Variants in RAD17 observed in about 807,000 individuals in gnomAD.
The protein encoded by RAD17 is cell cycle checkpoint protein RAD17.
A neutral mutation model predicts 81.5 loss-of-function variants in RAD17; 31 were observed. That is an observed-to-expected ratio of 0.38 (90% CI 0.29 to 0.51). The LOEUF is 0.51. RAD17 is among the 20% of genes least tolerant of loss of function. The pLI is 0.88. For missense variants in RAD17, 681 were observed against 781.2 expected, an observed-to-expected ratio of 0.87 and a Z score of 1.53; for synonymous variants, 261 against 266.2, an observed-to-expected ratio of 0.98 and a Z score of 0.19.
In RAD17 at chr5:69,389,091, T is replaced by A. The variant is rs1268318942; in HGVS notation, c.952T>A (p.Cys318Ser). 1.3e-6 allele frequency: 2 copies of A among 1,580,732 alleles called. No individual in the cohort carries two copies. Among genetic ancestry groups the A allele is most frequent in the Admixed American group, 1.8e-5 (1 of 56,528 alleles). The change falls in exon 12 of 19, where the codon TGT becomes AGT. Residue 318 changes from cysteine to serine, a missense_variant. Physicochemically the swap from Cys to Ser is moderately radical, Grantham distance 112. Transcript: ENST00000354868. ...TTCTCTAGAGTTGCTCTGTCAGGGA[T>A]GTTCTGGTGATATCAGAAGTGCAAT... ...KTSLELLCQG[C>S]SGDIRSAINS...
chr5:69,384,713 A>C, intron 7 of RAD17, 84 bp from the exon 8 acceptor site: 1 of 1,243,824 alleles, frequency 8.0e-7, no homozygotes, highest in Non-Finnish European at 1.1e-6. Context: ...AGATGCATCA[A>C]GTATGTGTGT....
At chr5:69,398,296 AT>A (rs1236711726) in intron 16 of RAD17, among the ~76,000 whole-genome samples, 4 of 152,204 alleles carry the variant, frequency 2.6e-5, no homozygotes, top group Non-Finnish European at 5.9e-5. Flanking sequence ...TTATTTGTCA[AT>A]TTAAATTAAT....
chr5:69,395,014 T>C (rs1407691020), intron 15 of RAD17, among the ~76,000 whole-genome samples: 1 of 152,078 alleles, frequency 6.6e-6, no homozygotes, highest in African/African-American at 2.4e-5. Flanking sequence ...ATCACACCAC[T>C]GCACTCCAGC....
intron 7 of RAD17, among the ~76,000 whole-genome samples, chr5:69,382,906 C>G (rs1763944426): frequency 6.6e-6 from 1 of 152,034 alleles, no homozygotes; most frequent in African/African-American, 2.4e-5. Context: ...GCCTCAGCCT[C>G]CTGAGTAGCT....
At chr5:69,381,495 A>G (rs1192016680) in intron 6 of RAD17, among the ~76,000 whole-genome samples, 1 of 152,028 alleles carries the variant, frequency 6.6e-6, no homozygotes. Flanking sequence ...AAAAAAAAGA[A>G]TAAATTTTAT....
chr5:69,377,905 C>G (rs1054942628), intron 6 of RAD17, among the ~76,000 whole-genome samples: 3 of 151,882 alleles, frequency 2.0e-5, no homozygotes, highest in Non-Finnish European at 4.4e-5. Context: ...AGTCCTCCCA[C>G]CTCAGCTTCC....
intron 16 of RAD17, among the ~76,000 whole-genome samples, chr5:69,399,187 A>G (rs1022844231): frequency 3.3e-5 from 5 of 152,238 alleles, no homozygotes; most frequent in African/African-American, 1.2e-4. Context: ...CCTGGGAGGC[A>G]GAGTTTGCAG....
At chr5:69,373,576 A>G (rs967780654) in intron 4 of RAD17, among the ~76,000 whole-genome samples, 14 of 151,764 alleles carry the variant, frequency 9.2e-5, no homozygotes, top group African/African-American at 3.1e-4. Context: ...ATGGTGGTGC[A>G]TGCCTGTAGT....
In RAD17 at chr5:69,386,283, G is replaced by A. The variant is rs1180578668; in HGVS notation, c.802G>A (p.Glu268Lys). The A allele has an allele frequency of 1.2e-6, 2 of 1,605,302 alleles. No homozygotes were observed. Among genetic ancestry groups the A allele is most frequent in the Non-Finnish European group, 1.7e-6 (2 of 1,175,092 alleles). Residue 268 changes from glutamate (E) to lysine (K), a missense_variant, in exon 10 of 19, where the codon GAG becomes AAG. By Grantham distance (56) the Glu-to-Lys change is moderately conservative. Coordinates refer to ENST00000354868, the MANE Select transcript of RAD17 (RefSeq NM_133338.3). ...RLLFPKEIQE[E>K]CSISNISFNP... is the part of the protein sequence containing the mutation. ...ATTGTTTCCCAAAGAAATTCAGGAA[G>A]AGTGTTCTATCTCAAATATTAGGTA...
chr5:69,405,191 A>T (rs1765513128), intron 17 of RAD17, among the ~76,000 whole-genome samples: 1 of 152,174 alleles, frequency 6.6e-6, no homozygotes, highest in Non-Finnish European at 1.5e-5. Flanking sequence ...TTTGAGGAAC[A>T]GTATGGAGGT....
chr5:69,386,213 A>G lies in RAD17; in HGVS notation c.732A>G (p.Ile244Met), dbSNP rs200670970. 69 of 1,607,900 alleles carry G rather than the reference A, an allele frequency of 4.3e-5. No individual in the cohort carries two copies. The highest frequency in any genetic ancestry group is 2.2e-4 in the Admixed American group (13 of 59,612). ...KYVRIGRCPL[I>M]FIISDSLSGD... is the part of the protein sequence containing the mutation. ...TGAGGATTGGTCGATGTCCTCTTAT[A>G]TTTATAATCTCGGACAGTCTCAGTG... The change falls in exon 10 of 19, where the codon ATA becomes ATG. Residue 244 changes from isoleucine (I) to methionine (M), a missense_variant. Transcript: ENST00000354868.
At chr5:69,379,217 C>T (rs887805273) in intron 6 of RAD17, among the ~76,000 whole-genome samples, 3 of 151,708 alleles carry the variant, frequency 2.0e-5, no homozygotes, top group East Asian at 3.9e-4. Flanking sequence ...GCCTGGGCAA[C>T]AGAACAGAGA....
intron 17 of RAD17, among the ~76,000 whole-genome samples, chr5:69,403,608 ATAAGG>A (rs1324000731): frequency 1.3e-5 from 2 of 152,200 alleles, no homozygotes; most frequent in African/African-American, 4.8e-5. Context: ...CTGATCACTG[ATAAGG>A]TCAACTCTAT....
rs1361242819 is a variant in RAD17 at position 69,410,566 on chromosome 5, C to T, written c.1751+16C>T. On this transcript the variant is annotated intron_variant, in intron 18 of 18. Transcript: ENST00000354868. ...ACTTTGGAAGGTAAGCTGATCATCT[C>T]AATTTCCAAAAAGCTGATAATGAAA... The T allele has an allele frequency of 1.2e-6, 2 of 1,609,210 alleles. No homozygotes were observed. Among genetic ancestry groups the T allele is most frequent in the Non-Finnish European group, 1.7e-6 (2 of 1,176,224 alleles).
intron 17 of RAD17, among the ~76,000 whole-genome samples, chr5:69,406,804 A>G (rs1765632071): frequency 6.6e-6 from 1 of 151,710 alleles, no homozygotes; most frequent in Non-Finnish European, 1.5e-5. Context: ...ACCACACCGA[A>G]CCAATATATT....
Position 69,376,495 on chromosome 5 carries a change from T to C in RAD17, c.351+1784T>C, listed in dbSNP as rs147668793. ...TTTCCTTTTTTAAAAAATAGACTTA[T>C]TTTTGGAGCAGTTTTAGGTTCACAG... is the stretch of plus-strand genomic sequence containing the variant. On this transcript the variant is annotated intron_variant, in intron 6 of 18. Coordinates refer to ENST00000354868, the MANE Select transcript of RAD17 (RefSeq NM_133338.3). Among the ~76,000 whole-genome samples, 508 of 152,324 alleles carry C rather than the reference T, an allele frequency of 3.3e-3. 2 individuals are homozygous for C. Among genetic ancestry groups the C allele is most frequent in the Admixed American group, 6.0e-3 (91 of 15,290 alleles).
rs1457455668 is a variant in RAD17, at chr5:69,386,204, T to C, written c.723T>C (p.Cys241=). 3 of 1,606,066 alleles carry C rather than the reference T, an allele frequency of 1.9e-6. No homozygotes were observed. The East Asian group carries it at 6.7e-5, about 36-fold the overall frequency. ...GGAAGTATGTGAGGATTGGTCGATGTCCTCTTATATTTATAATCTCGGACA... is the reference window on the plus strand; with the variant it reads ...GGAAGTATGTGAGGATTGGTCGATGCCCTCTTATATTTATAATCTCGGACA... ...VLRKYVRIGR[C]PLIFIISDSL... The change falls in exon 10 of 19, where the codon TGT becomes TGC. Residue 241 remains cysteine (C), a synonymous_variant. Transcript: ENST00000354868.
chr5:69,398,876 A>AAAAC (rs1385519092), intron 16 of RAD17, among the ~76,000 whole-genome samples: 1 of 149,298 alleles, frequency 6.7e-6, no homozygotes, highest in Non-Finnish European at 1.5e-5. Flanking sequence ...GTTAAAAAAA[A>AAAAC]AAAAAAAAAA....
chr5:69,407,562 GTTTTT>G (rs550222595), intron 17 of RAD17, among the ~76,000 whole-genome samples: 6 of 40,890 alleles, frequency 1.5e-4, no homozygotes, highest in African/African-American at 3.3e-4. Flanking sequence ...CTATGTCCAA[GTTTTT>G]TTTTTTTTTT....
Sources: allele counts gnomAD v4.1 joint callset (sites outside exome capture counted in the v4.1 genomes callset), GRCh38; gene constraint gnomAD v4.1.1; transcripts MANE v1.5; gene names NCBI Gene and HGNC (gene_info 2026-07-23, HGNC 2026-07-21).